ROBO1: variants seen among roughly 807,000 people sequenced by gnomAD.
ROBO1 encodes the protein roundabout homolog 1.
In ROBO1, 149 loss-of-function variants were observed where a neutral mutation model predicts 195.9. The observed-to-expected ratio is 0.76, with a 90% CI of 0.67 to 0.87. The LOEUF (loss-of-function observed/expected upper bound fraction) is 0.87. ROBO1 is among the 40% of genes least tolerant of loss of function. The probability of loss-of-function intolerance (pLI) is 0.00; values close to 1 mark genes in which losing one functional copy is unlikely to be tolerated. For missense variants in ROBO1, 1,933 were observed against 2,068.3 expected, an observed-to-expected ratio of 0.93 and a Z score of 1.27; for synonymous variants, 816 against 733.2, an observed-to-expected ratio of 1.11 and a Z score of -1.82.
chr3:79,329,908 T>G (rs1464052977), intron 2 of ROBO1, among the ~76,000 whole-genome samples: 1 of 152,134 alleles, frequency 6.6e-6, no homozygotes, highest in Admixed American at 6.5e-5. Context: ...TTATTAAATT[T>G]CCCCTGTTGG....
At chr3:78,722,851 G>A (rs2082075569) in intron 5 of ROBO1, among the ~76,000 whole-genome samples, 3 of 151,920 alleles carry the variant, frequency 2.0e-5, no homozygotes, top group South Asian at 4.1e-4. Context: ...TCTAAAATGG[G>A]AATCCTATTA....
At chr3:79,663,960 A>T (rs1946401585) in intron 1 of ROBO1, among the ~76,000 whole-genome samples, 1 of 152,016 alleles carries the variant, frequency 6.6e-6, no homozygotes, top group African/African-American at 2.4e-5. Flanking sequence ...ATTCCCTACA[A>T]ATTCAGTCCT....
intron 22 of ROBO1, among the ~76,000 whole-genome samples, chr3:78,638,716 T>G (rs908956321): frequency 1.3e-5 from 2 of 151,414 alleles, no homozygotes; most frequent in African/African-American, 4.9e-5. Context: ...ACAAAAAAAA[T>G]TTTTTAAATT....
At chr3:79,123,808 A>G (rs564220403) in intron 3 of ROBO1, among the ~76,000 whole-genome samples, 42 of 152,158 alleles carry the variant, frequency 2.8e-4, no homozygotes, top group African/African-American at 8.9e-4. Flanking sequence ...GTTTAATAGG[A>G]CAAATCTGAC....
At chr3:79,307,637 C>CA (rs2033283852) in intron 2 of ROBO1, among the ~76,000 whole-genome samples, 1 of 151,684 alleles carries the variant, frequency 6.6e-6, no homozygotes, top group Admixed American at 6.6e-5. Context: ...TGTTATGGTT[C>CA]TTATTAGAAT....
rs1238416679 is a variant in ROBO1, at chr3:79,018,278, A to G, written c.173-79351T>C. On this transcript the variant is annotated intron_variant, in intron 3 of 30. Coordinates refer to ENST00000464233, the MANE Select transcript of ROBO1 (RefSeq NM_002941.4). The stretch of plus-strand genomic sequence containing the variant: ...TAGGAACATTTTCGCCTAAAAGTCT[A>G]GCAGGAATCGAGCCCCTCCGGCCTT... 7 of 1,034,616 alleles carry G rather than the reference A, an allele frequency of 6.8e-6. No homozygotes were observed. The East Asian group carries it at 1.8e-4, about 27-fold the overall frequency. The allele number at this position is 1,034,616 out of a possible 1,614,324, so 64.1% of individuals were successfully genotyped here.
rs555389696 is a variant in ROBO1 at position 79,237,400 on chromosome 3, G to A, written c.89-111861C>T. ...GGAGGCTGAGGCAGGAGAATGGCGG[G>A]AACCCAGGAGGCGGAGCTTGCAGTG... is the stretch of plus-strand genomic sequence containing the variant. On this transcript the variant is annotated intron_variant, in intron 2 of 30. Transcript: ENST00000464233. Among the ~76,000 whole-genome samples, 136 of 151,964 alleles carry A rather than the reference G, an allele frequency of 8.9e-4. 1 individual carries two copies. Among genetic ancestry groups the A allele is most frequent in the Middle Eastern group, 6.8e-3 (2 of 292 alleles).
chr3:79,668,424 CAAA>C (rs59728866), intron 1 of ROBO1, among the ~76,000 whole-genome samples: 1,762 of 148,078 alleles, frequency 0.012, 32 homozygotes, highest in African/African-American at 0.041. Flanking sequence ...CTCTGTGAAG[CAAA>C]AAAAAAAACA....
At chr3:79,206,810 A>T (rs1576814208) in intron 2 of ROBO1, among the ~76,000 whole-genome samples, 1 of 152,310 alleles carries the variant, frequency 6.6e-6, no homozygotes, top group East Asian at 1.9e-4. Context: ...TGAATAAATA[A>T]ATTTGTTTTG....
At chr3:78,769,345 C>T (rs907106339) in intron 4 of ROBO1, among the ~76,000 whole-genome samples, 5 of 152,144 alleles carry the variant, frequency 3.3e-5, no homozygotes, top group Non-Finnish European at 5.9e-5. Flanking sequence ...ACCACTGTTG[C>T]TTTAAAGTTT....
chr3:79,228,433 A>G (rs2082264550), intron 2 of ROBO1, among the ~76,000 whole-genome samples: 1 of 152,188 alleles, frequency 6.6e-6, no homozygotes, highest in Admixed American at 6.5e-5. Context: ...TGATAAGGAC[A>G]ATAAAAATTT....
At chr3:78,962,784 A>ACTG (rs1274853553) in intron 3 of ROBO1, among the ~76,000 whole-genome samples, 1 of 139,944 alleles carries the variant, frequency 7.1e-6, no homozygotes, top group Non-Finnish European at 1.5e-5. Context: ...AGATCGCGCC[A>ACTG]CTGCACTTCA....
intron 3 of ROBO1, among the ~76,000 whole-genome samples, chr3:78,977,257 C>T (rs970374084): frequency 1.3e-5 from 2 of 152,070 alleles, no homozygotes; most frequent in African/African-American, 4.8e-5. Context: ...TTAGAAAAAT[C>T]AGATTACTCA....
chr3:79,526,278 T>C (rs1941428895), intron 2 of ROBO1, among the ~76,000 whole-genome samples: 1 of 152,224 alleles, frequency 6.6e-6, no homozygotes, highest in Non-Finnish European at 1.5e-5. Flanking sequence ...AAATAAATAT[T>C]CTTTATAGAT....
chr3:79,641,421 T>C (rs1441181002), intron 1 of ROBO1, among the ~76,000 whole-genome samples: 3 of 152,118 alleles, frequency 2.0e-5, no homozygotes, highest in African/African-American at 4.8e-5. Context: ...TTTTGAGGGA[T>C]AGCATTGGGA....
At chr3:79,548,296 T>C (rs895563834) in intron 2 of ROBO1, among the ~76,000 whole-genome samples, 13 of 152,180 alleles carry the variant, frequency 8.5e-5, no homozygotes, top group African/African-American at 3.1e-4. Context: ...GTTCCATTAA[T>C]TAAATCTCTT....
intron 4 of ROBO1, among the ~76,000 whole-genome samples, chr3:78,813,714 C>G (rs1270237094): frequency 6.6e-6 from 1 of 152,082 alleles, no homozygotes; most frequent in Non-Finnish European, 1.5e-5. Flanking sequence ...TTCTCAATGA[C>G]TGCTTTATAC....
At chr3:79,204,994 GTTAGTTA>G in intron 2 of ROBO1, among the ~76,000 whole-genome samples, 1 of 151,576 alleles carries the variant, frequency 6.6e-6, no homozygotes, top group African/African-American at 2.4e-5. Context: ...TAGTTAGTTA[GTTAGTTA>G]GTTAGTTTTT....
At chr3:78,812,332 C>T (rs1476859194) in intron 4 of ROBO1, among the ~76,000 whole-genome samples, 1 of 152,130 alleles carries the variant, frequency 6.6e-6, no homozygotes, top group Non-Finnish European at 1.5e-5. Context: ...TAAACTTCCA[C>T]CTAATTCACT....
Sources: allele counts gnomAD v4.1 joint callset (sites outside exome capture counted in the v4.1 genomes callset), GRCh38; gene constraint gnomAD v4.1.1; transcripts MANE v1.5; gene names NCBI Gene and HGNC (gene_info 2026-07-23, HGNC 2026-07-21).